EPHB2: variants seen among roughly 807,000 people sequenced by gnomAD.
The protein encoded by EPHB2 is EPH receptor B2, also known as ephrin type-B receptor 2.
In EPHB2, 18 loss-of-function variants were observed where a neutral mutation model predicts 96.4. That is an observed-to-expected ratio of 0.19 (90% CI 0.13 to 0.28). The LOEUF (loss-of-function observed/expected upper bound fraction) is 0.28, where lower values mean the gene tolerates loss of function less well. Among genes scored for constraint, EPHB2 ranks in the 10% least tolerant of loss-of-function variants. The pLI is 1.00. For missense variants in EPHB2, 989 were observed against 1,355.4 expected, an observed-to-expected ratio of 0.73 and a Z score of 4.25; for synonymous variants, 506 against 534.1, an observed-to-expected ratio of 0.95 and a Z score of 0.72.
Position 22,735,358 on chromosome 1 carries a change from G to T in EPHB2, c.61+24315G>T, listed in dbSNP as rs150308396. ...GGAGGCTGAGGTGGGAGGATCGCTTGAGCCCAGGAGGTCAAGGCTGTAGTG... is the reference window on the plus strand; with the variant it reads ...GGAGGCTGAGGTGGGAGGATCGCTTTAGCCCAGGAGGTCAAGGCTGTAGTG... On this transcript the variant is annotated intron_variant, in intron 1 of 15. Coordinates refer to ENST00000374630, the MANE Select transcript of EPHB2 (RefSeq NM_017449.5). 5.3e-3 allele frequency among the ~76,000 whole-genome samples: 811 copies of T among 151,794 alleles called. 6 individuals are homozygous for T. Among genetic ancestry groups the T allele is most frequent in the African/African-American group, 0.019 (775 of 41,348 alleles).
Position 22,777,707 on chromosome 1 carries a change from G to A in EPHB2, c.62-3714G>A, listed in dbSNP as rs572924666. Among the ~76,000 whole-genome samples the A allele has an allele frequency of 1.1e-4, 17 of 152,336 alleles. No homozygotes were observed. In the East Asian group the frequency reaches 3.1e-3, roughly 28 times the overall value. ...GCCACGGAGCAAGAGACTGATGCTT[G>A]TCAGATGTTGGCAGGCATATCTGGG... On this transcript the variant is annotated intron_variant, in intron 1 of 15. Coordinates refer to ENST00000374630, the MANE Select transcript of EPHB2 (RefSeq NM_017449.5).
chr1:22,854,575 A>G (rs1299315042), intron 3 of EPHB2, among the ~76,000 whole-genome samples: 2 of 152,196 alleles, frequency 1.3e-5, no homozygotes, highest in African/African-American at 2.4e-5. Context: ...CTAAGTCTCT[A>G]TGTGATTTGG....
chr1:22,761,150 G>C (rs940621095), intron 1 of EPHB2, among the ~76,000 whole-genome samples: 3 of 152,176 alleles, frequency 2.0e-5, no homozygotes, highest in African/African-American at 4.8e-5. Flanking sequence ...ATCTCATGGG[G>C]ATCAGGGAAT....
rs1201854004 is a variant in EPHB2, at chr1:22,906,691, C to T, written c.1889-19C>T. 2 of 1,614,038 alleles carry T rather than the reference C, an allele frequency of 1.2e-6. No individual in the cohort carries two copies. Among genetic ancestry groups the T allele is most frequent in the Admixed American group, 3.3e-5 (2 of 60,016 alleles). ...ACCTGGCAAGTGACATCCTGTCTGT[C>T]TTGGTGTTTCTCTCTCAGGGGAGTT... On this transcript the variant is annotated intron_variant, in intron 10 of 15. Transcript: ENST00000374630. The surrounding 1 kb of genome is among the most constrained non-coding windows in gnomAD (Gnocchi z 4.8).
chr1:22,841,719 G>A (rs1645472015), intron 3 of EPHB2, among the ~76,000 whole-genome samples: 2 of 152,238 alleles, frequency 1.3e-5, no homozygotes, highest in African/African-American at 4.8e-5. Flanking sequence ...ATGGCGAGAT[G>A]TGAATGGCAG....
intron 3 of EPHB2, among the ~76,000 whole-genome samples, chr1:22,785,661 G>A (rs1222390633): frequency 6.6e-6 from 1 of 152,184 alleles, no homozygotes; most frequent in Non-Finnish European, 1.5e-5. Flanking sequence ...TGTGGCAGTT[G>A]GAATACTGGC....
At chr1:22,814,492 A>G (rs2148465664) in intron 3 of EPHB2, among the ~76,000 whole-genome samples, 1 of 152,192 alleles carries the variant, frequency 6.6e-6, no homozygotes, top group Middle Eastern at 3.4e-3. Flanking sequence ...ATGGAGGGAA[A>G]CAGACACCCA....
At chr1:22,829,228 G>T (rs7537713) in intron 3 of EPHB2, among the ~76,000 whole-genome samples, 43,545 of 152,222 alleles carry the variant, frequency 0.29, 6,693 homozygotes, top group Middle Eastern at 0.44. Context: ...CAGCCCCCAG[G>T]CCCTGGAGCC....
At chr1:22,806,500 C>T (rs112598576) in intron 3 of EPHB2, among the ~76,000 whole-genome samples, 1 of 105,516 alleles carries the variant, frequency 9.5e-6, no homozygotes, top group African/African-American at 5.1e-5. Flanking sequence ...GACGGACGGA[C>T]GGACGGATGG....
chr1:22,913,428 A>G lies in EPHB2; in HGVS notation c.2853-34A>G, dbSNP rs960088047. ...CCAGGCACAGGACCCCTTCACCCGC[A>G]TATTTCCCTAACACACGTGCTTCTC... On this transcript the variant is annotated intron_variant, in intron 15 of 15. Transcript: ENST00000374630. The surrounding 1 kb of genome is among the most constrained non-coding windows in gnomAD (Gnocchi z 4.1). The G allele has an allele frequency of 3.1e-6, 5 of 1,612,582 alleles. No individual in the cohort carries two copies. Among genetic ancestry groups the G allele is most frequent in the Non-Finnish European group, 4.2e-6 (5 of 1,179,476 alleles).
chr1:22,746,755 G>C (rs6661451), intron 1 of EPHB2, among the ~76,000 whole-genome samples: 2 of 152,158 alleles, frequency 1.3e-5, no homozygotes, highest in Non-Finnish European at 2.9e-5. Context: ...AGGTCACAAA[G>C]GTGTGAAGTG....
intron 3 of EPHB2, among the ~76,000 whole-genome samples, chr1:22,798,412 A>G (rs1570296247): frequency 6.6e-6 from 1 of 151,720 alleles, no homozygotes; most frequent in African/African-American, 2.4e-5. Flanking sequence ...AAGATCTCAA[A>G]TCCCTCTTGG....
At position 22,783,244 on chromosome 1, in the gene EPHB2, A is replaced by G. The variant is rs116863582; in HGVS notation, c.127-1148A>G. 2.0e-5 allele frequency among the ~76,000 whole-genome samples: 3 copies of G among 152,356 alleles called. No homozygotes were observed. In the East Asian group the frequency reaches 5.8e-4, roughly 29 times the overall value. On this transcript the variant is annotated intron_variant, in intron 2 of 15. Coordinates refer to ENST00000374630, the MANE Select transcript of EPHB2 (RefSeq NM_017449.5). ...CATCCTCTGTAAAAGGGGTCTAACCATACAGACCATGTGCGATAATCACAC... is the reference window on the plus strand; with the variant it reads ...CATCCTCTGTAAAAGGGGTCTAACCGTACAGACCATGTGCGATAATCACAC...
chr1:22,833,444 G>A (rs549925223), intron 3 of EPHB2, among the ~76,000 whole-genome samples: 11 of 152,224 alleles, frequency 7.2e-5, no homozygotes, highest in African/African-American at 2.4e-4. Context: ...TGAAATAGTA[G>A]GTGGAACAAA....
intron 3 of EPHB2, among the ~76,000 whole-genome samples, chr1:22,830,927 G>A (rs569032258): frequency 6.6e-6 from 1 of 152,276 alleles, no homozygotes; most frequent in East Asian, 1.9e-4. Flanking sequence ...CATTTTACAG[G>A]TAGGAAAACA....
At position 22,816,544 on chromosome 1, in the gene EPHB2, G is replaced by C. The variant is rs1255364949; in HGVS notation, c.811+31468G>C. Among the ~76,000 whole-genome samples the C allele has an allele frequency of 2.6e-5, 4 of 152,040 alleles. No individual in the cohort carries two copies. In the South Asian group the frequency reaches 8.3e-4, roughly 32 times the overall value. On this transcript the variant is annotated intron_variant, in intron 3 of 15. Transcript: ENST00000374630. ...GGCCTTGGCTCACGCTGTTCCCTCT[G>C]CCTGTCCCATCTCTGCCGTTCCCCC... is the stretch of plus-strand genomic sequence containing the variant.
At chr1:22,755,206 T>C (rs974385598) in intron 1 of EPHB2, among the ~76,000 whole-genome samples, 21 of 152,068 alleles carry the variant, frequency 1.4e-4, no homozygotes, top group Non-Finnish European at 2.6e-4. Flanking sequence ...TGCCACTAAA[T>C]CCTCTTGCAG....
chr1:22,823,825 T>C lies in EPHB2; in HGVS notation c.811+38749T>C, dbSNP rs12040097. ...ACCTAGCATAGTGCCTGGCACATAG[T>C]AGGTGTTCATAGATATGTATGAGAG... On this transcript the variant is annotated intron_variant, in intron 3 of 15. Coordinates refer to ENST00000374630, the MANE Select transcript of EPHB2 (RefSeq NM_017449.5). Among the ~76,000 whole-genome samples, 75 of 152,334 alleles carry C rather than the reference T, an allele frequency of 4.9e-4. No individual in the cohort carries two copies. The East Asian group carries it at 0.013, about 27-fold the overall frequency.
rs1459178376 is a variant in EPHB2, at chr1:22,846,246, C to T, written c.812-16791C>T. Among the ~76,000 whole-genome samples the T allele has an allele frequency of 6.6e-6, 1 of 152,010 alleles. No homozygotes were observed. Among genetic ancestry groups the T allele is most frequent in the Non-Finnish European group, 1.5e-5 (1 of 67,994 alleles). ...CAGCCTGGCCAACATGGTGAAACGC[C>T]ATCTCGACTAAAAATATAAAATAGT... On this transcript the variant is annotated intron_variant, in intron 3 of 15. Coordinates refer to ENST00000374630, the MANE Select transcript of EPHB2 (RefSeq NM_017449.5). The surrounding 1 kb of genome is among the most constrained non-coding windows in gnomAD (Gnocchi z 4.3).
Sources: gnomAD v4.1 joint callset for allele counts (sites outside exome capture counted in the v4.1 genomes callset) on GRCh38, gnomAD v4.1.1 for gene constraint, Gnocchi (gnomAD v3.1) non-coding constraint, MANE v1.5 for transcripts, NCBI Gene and HGNC (gene_info 2026-07-23, HGNC 2026-07-21) for gene names.